Variants in HS3ST5 observed in about 807,000 individuals in gnomAD.
HS3ST5 encodes heparan sulfate-glucosamine 3-sulfotransferase 5.
Under a neutral mutation model 25.4 loss-of-function variants are expected in HS3ST5, and 10 were observed. That is an observed-to-expected ratio of 0.39 (90% confidence interval 0.24 to 0.67). The LOEUF (loss-of-function observed/expected upper bound fraction) is 0.67. HS3ST5 is among the 30% of genes least tolerant of loss of function. The pLI is 0.44. For missense variants in HS3ST5, 324 were observed against 420.7 expected (o/e 0.77, Z 2.01); for synonymous variants, 170 against 162.4 (o/e 1.05, Z -0.36).
intron 3 of HS3ST5, among the ~76,000 whole-genome samples, chr6:114,070,228 A>C (rs2114729620): frequency 6.6e-6 from 1 of 150,956 alleles, no homozygotes; most frequent in Admixed American, 6.6e-5. Flanking sequence ...AAACCACTTA[A>C]CTCCACCCAA....
chr6:114,255,236 C>T (rs926264786), intron 1 of HS3ST5, among the ~76,000 whole-genome samples: 2 of 152,220 alleles, frequency 1.3e-5, no homozygotes, highest in Non-Finnish European at 2.9e-5. Context: ...AATCTTAAAG[C>T]TCCAAAATGA....
At chr6:114,082,632 TAGAG>T (rs1157983476) in intron 3 of HS3ST5, among the ~76,000 whole-genome samples, 8 of 152,362 alleles carry the variant, frequency 5.3e-5, no homozygotes, top group African/African-American at 1.4e-4. Flanking sequence ...ACTGCAGTAG[TAGAG>T]AGAGACTTCA....
chr6:114,148,370 G>A (rs886586527), intron 3 of HS3ST5, among the ~76,000 whole-genome samples: 1 of 152,180 alleles, frequency 6.6e-6, no homozygotes, highest in Admixed American at 6.5e-5. Flanking sequence ...TGTAATCCCA[G>A]CACTTTGGGA....
intron 2 of HS3ST5, among the ~76,000 whole-genome samples, chr6:114,182,708 A>G (rs563386143): frequency 6.6e-6 from 1 of 152,294 alleles, no homozygotes; most frequent in African/African-American, 2.4e-5. Flanking sequence ...GCTTGTCATT[A>G]TTATTAAACA....
chr6:114,205,426 A>G (rs1275588905), intron 2 of HS3ST5, among the ~76,000 whole-genome samples: 1 of 152,210 alleles, frequency 6.6e-6, no homozygotes, highest in Non-Finnish European at 1.5e-5. Context: ...TAGGGAGCAC[A>G]GAGCTTCCAT....
At chr6:114,298,442 T>G (rs2114799501) in intron 1 of HS3ST5, among the ~76,000 whole-genome samples, 1 of 152,364 alleles carries the variant, frequency 6.6e-6, no homozygotes, top group Non-Finnish European at 1.5e-5. Context: ...CTAATTAGTT[T>G]ACCTATAATA....
intron 2 of HS3ST5, among the ~76,000 whole-genome samples, chr6:114,199,575 C>T (rs1423698052): frequency 2.8e-5 from 2 of 71,036 alleles, no homozygotes; most frequent in Non-Finnish European, 5.4e-5. Context: ...ATTGTAAGGA[C>T]AAATAAAAAT....
chr6:114,157,409 T>C (rs1327335873), intron 3 of HS3ST5, among the ~76,000 whole-genome samples: 2 of 152,118 alleles, frequency 1.3e-5, no homozygotes, highest in African/African-American at 4.8e-5. Flanking sequence ...AGTATAATCA[T>C]TGTTGCCAGG....
chr6:114,087,511 G>A (rs562961064), intron 3 of HS3ST5, among the ~76,000 whole-genome samples: 1 of 152,244 alleles, frequency 6.6e-6, no homozygotes, highest in African/African-American at 2.4e-5. Flanking sequence ...GTACGTCTAT[G>A]AATCCCCAAA....
intron 3 of HS3ST5, among the ~76,000 whole-genome samples, chr6:114,135,972 C>T (rs934188635): frequency 6.6e-6 from 1 of 152,210 alleles, no homozygotes; most frequent in Admixed American, 6.5e-5. Context: ...GAATCCCATA[C>T]CAGGAAGGCA....
intron 2 of HS3ST5, among the ~76,000 whole-genome samples, chr6:114,184,276 G>A (rs1780109745): frequency 6.6e-6 from 1 of 151,898 alleles, no homozygotes; most frequent in Admixed American, 6.6e-5. Context: ...AAAATGACTT[G>A]AAGACAGAAT....
intron 2 of HS3ST5, among the ~76,000 whole-genome samples, chr6:114,169,572 G>A (rs957648007): frequency 6.6e-6 from 1 of 152,096 alleles, no homozygotes; most frequent in African/African-American, 2.4e-5. Flanking sequence ...CCAGAAAACT[G>A]GCTCCTTTGC....
At chr6:114,148,823 A>C (rs1384940622) in intron 3 of HS3ST5, among the ~76,000 whole-genome samples, 1 of 152,170 alleles carries the variant, frequency 6.6e-6, no homozygotes, top group African/African-American at 2.4e-5. Context: ...AATGGGAGAA[A>C]ATTTTTGCAA....
At chr6:114,261,148 G>T (rs949196474) in intron 1 of HS3ST5, among the ~76,000 whole-genome samples, 5 of 152,120 alleles carry the variant, frequency 3.3e-5, no homozygotes, top group African/African-American at 1.2e-4. Context: ...TCTTATTCAA[G>T]AATTTGGGTA....
At chr6:114,072,435 G>A (rs947269578) in intron 3 of HS3ST5, among the ~76,000 whole-genome samples, 2 of 151,930 alleles carry the variant, frequency 1.3e-5, no homozygotes, top group African/African-American at 2.4e-5. Context: ...AATTAAAATT[G>A]TATTATATAA....
intron 1 of HS3ST5, among the ~76,000 whole-genome samples, chr6:114,329,214 C>A (rs1359039604): frequency 6.6e-6 from 1 of 152,104 alleles, no homozygotes; most frequent in Admixed American, 6.5e-5. Flanking sequence ...GGAGTAGTAA[C>A]CATTCCTTGT....
intron 2 of HS3ST5, among the ~76,000 whole-genome samples, chr6:114,178,024 T>C (rs1368597284): frequency 6.6e-6 from 1 of 152,236 alleles, no homozygotes. Context: ...TATTTATTTA[T>C]CAAAATTGCT....
At chr6:114,160,604 T>C (rs1778900372) in intron 3 of HS3ST5, among the ~76,000 whole-genome samples, 1 of 152,162 alleles carries the variant, frequency 6.6e-6, no homozygotes, top group African/African-American at 2.4e-5. Context: ...TTATATTTTC[T>C]ATTTTTCAGT....
chr6:114,253,967 C>T (rs949135509), intron 1 of HS3ST5, among the ~76,000 whole-genome samples: 1 of 151,704 alleles, frequency 6.6e-6, no homozygotes, highest in Non-Finnish European at 1.5e-5. Context: ...CAATGGGTAA[C>T]AGGAAGAGAA....
Sources: gnomAD v4.1 joint callset for allele counts (sites outside exome capture counted in the v4.1 genomes callset) on GRCh38, gnomAD v4.1.1 for gene constraint, MANE v1.5 for transcripts, NCBI Gene and HGNC (gene_info 2026-07-23, HGNC 2026-07-21) for gene names.